The following MAGI2 variants were observed in gnomAD, a reference collection of about 807,000 sequenced individuals.
MAGI2 encodes the protein membrane associated guanylate kinase, WW and PDZ domain containing 2.
Under a neutral mutation model 133.3 loss-of-function variants are expected in MAGI2, and 35 were observed. The ratio of observed to expected loss-of-function variants is 0.26; its 90% CI spans 0.20 to 0.35. The LOEUF is 0.35. Ranked by LOEUF, MAGI2 falls within the 10% of genes least tolerant of loss-of-function variation. The probability of loss-of-function intolerance (pLI) is 1.00; values close to 1 mark genes in which losing one functional copy is unlikely to be tolerated. For synonymous variants in MAGI2, 729 were observed against 710.6 expected, an observed-to-expected ratio of 1.03 and a Z score of -0.41; for missense variants, 1,636 against 1,863.4, an observed-to-expected ratio of 0.88 and a Z score of 2.25.
chr7:78,953,209 C>CA, intron 2 of MAGI2, among the ~76,000 whole-genome samples: 1 of 152,100 alleles, frequency 6.6e-6, no homozygotes, highest in East Asian at 1.9e-4. Flanking sequence ...TGAGCTGTCT[C>CA]AAAAAACAAT....
chr7:78,645,565 T>C (rs1186436715), intron 2 of MAGI2, among the ~76,000 whole-genome samples: 1 of 152,066 alleles, frequency 6.6e-6, no homozygotes, highest in East Asian at 1.9e-4. Flanking sequence ...CAGTTATTTT[T>C]ATGGATACAG....
intron 1 of MAGI2, among the ~76,000 whole-genome samples, chr7:79,441,399 T>C (rs566857850): frequency 5.7e-4 from 87 of 152,342 alleles, no homozygotes; most frequent in African/African-American, 1.6e-3. Flanking sequence ...ATGGATTTTA[T>C]ATTAGACAAT....
chr7:78,035,262 C>A, intron 21 of MAGI2: 1 of 139,554 alleles, frequency 7.2e-6, no homozygotes, highest in Non-Finnish European at 1.6e-5. Context: ...AGGGAGGGAT[C>A]AGCTTTGGAA....
intron 1 of MAGI2, among the ~76,000 whole-genome samples, chr7:79,179,360 T>C (rs1359609016): frequency 6.6e-6 from 1 of 151,848 alleles, no homozygotes; most frequent in African/African-American, 2.4e-5. Context: ...CCCAAAGCAA[T>C]CAACAGATTC....
chr7:78,109,605 C>T (rs1185484973), intron 20 of MAGI2, among the ~76,000 whole-genome samples: 1 of 152,092 alleles, frequency 6.6e-6, no homozygotes, highest in Admixed American at 6.5e-5. Context: ...GCACTCCAGC[C>T]TGGGAGACAT....
chr7:78,603,189 A>G (rs1388906079), intron 3 of MAGI2, among the ~76,000 whole-genome samples: 1 of 152,232 alleles, frequency 6.6e-6, no homozygotes, highest in Non-Finnish European at 1.5e-5. Flanking sequence ...ATCTTTCACA[A>G]AATTTTGAGC....
intron 5 of MAGI2, among the ~76,000 whole-genome samples, chr7:78,499,907 A>T (rs1686749187): frequency 6.6e-6 from 1 of 152,192 alleles, no homozygotes; most frequent in African/African-American, 2.4e-5. Flanking sequence ...TATCAAAATT[A>T]TGTTTCTAGA....
At chr7:78,656,497 G>C (rs1021592832) in intron 2 of MAGI2, among the ~76,000 whole-genome samples, 1 of 152,032 alleles carries the variant, frequency 6.6e-6, no homozygotes, top group Non-Finnish European at 1.5e-5. Flanking sequence ...CAGAAACAGA[G>C]AGTAGAACAG....
intron 2 of MAGI2, among the ~76,000 whole-genome samples, chr7:78,656,244 A>G (rs991437487): frequency 2.0e-5 from 3 of 152,154 alleles, no homozygotes; most frequent in Non-Finnish European, 4.4e-5. Flanking sequence ...GTGTCTTCTC[A>G]GGTACAATGA....
chr7:79,035,816 TGAA>T (rs1171931563), intron 1 of MAGI2, among the ~76,000 whole-genome samples: 19 of 152,260 alleles, frequency 1.2e-4, no homozygotes, highest in African/African-American at 4.1e-4. Context: ...AAATCATAAA[TGAA>T]GAAGATTATA....
chr7:78,040,771 CTA>C (rs1554417024), intron 21 of MAGI2, among the ~76,000 whole-genome samples: 3 of 152,178 alleles, frequency 2.0e-5, no homozygotes, highest in Non-Finnish European at 4.4e-5. Flanking sequence ...ACATCATTCT[CTA>C]TTCATTACGG....
intron 21 of MAGI2, among the ~76,000 whole-genome samples, chr7:78,038,386 C>T (rs1810454496): frequency 7.1e-6 from 1 of 140,546 alleles, no homozygotes; most frequent in African/African-American, 2.8e-5. Context: ...TCATATGAAA[C>T]ACTAACTTGA....
intron 9 of MAGI2, among the ~76,000 whole-genome samples, chr7:78,338,515 T>C (rs1417721694): frequency 6.6e-6 from 1 of 152,222 alleles, no homozygotes; most frequent in Admixed American, 6.5e-5. Flanking sequence ...ATGTCACTGG[T>C]AAACTTCTTG....
At chr7:79,100,471 T>A (rs181861749) in intron 1 of MAGI2, among the ~76,000 whole-genome samples, 6 of 151,772 alleles carry the variant, frequency 4.0e-5, no homozygotes, top group African/African-American at 1.4e-4. Context: ...TCAATCAGGT[T>A]AATGTACATT....
chr7:79,304,927 G>A (rs1837667718), intron 1 of MAGI2, among the ~76,000 whole-genome samples: 1 of 152,182 alleles, frequency 6.6e-6, no homozygotes, highest in Non-Finnish European at 1.5e-5. Flanking sequence ...GTGCTTATGT[G>A]GCTGGGTAAC....
intron 1 of MAGI2, among the ~76,000 whole-genome samples, chr7:79,175,466 TA>T (rs1460623293): frequency 6.6e-6 from 1 of 151,948 alleles, no homozygotes; most frequent in Non-Finnish European, 1.5e-5. Flanking sequence ...GGTTTCAAAT[TA>T]AAACATCAGT....
chr7:79,363,566 T>G (rs769384010), intron 1 of MAGI2, among the ~76,000 whole-genome samples: 1 of 151,182 alleles, frequency 6.6e-6, no homozygotes, highest in Admixed American at 6.6e-5. Context: ...TCAAAATGCA[T>G]TAAAGACTTA....
intron 16 of MAGI2, 149 bp downstream of exon 16, chr7:78,159,875 TG>T (rs1165528998): frequency 1.0e-6 from 1 of 990,354 alleles, no homozygotes; most frequent in African/African-American, 1.6e-5. Context: ...GTCAGTGGTA[TG>T]GATGCCTTAT....
chr7:78,620,677 CTA>C (rs997186887), intron 3 of MAGI2, among the ~76,000 whole-genome samples: 7 of 151,914 alleles, frequency 4.6e-5, no homozygotes, highest in African/African-American at 1.7e-4. Context: ...CGTATTTGTA[CTA>C]TGTTGTGTCA....
Sources: allele counts gnomAD v4.1 joint callset (sites outside exome capture counted in the v4.1 genomes callset), GRCh38; gene constraint gnomAD v4.1.1; transcripts MANE v1.5; gene names NCBI Gene and HGNC (gene_info 2026-07-23, HGNC 2026-07-21).